Variants in DYM observed in about 807,000 individuals in gnomAD.
The protein encoded by DYM is dymeclin.
A neutral mutation model predicts 93.1 loss-of-function variants in DYM; 78 were observed. The ratio of observed to expected loss-of-function variants is 0.84; its 90% confidence interval spans 0.70 to 1.01. DYM has a LOEUF of 1.01. Among genes scored for constraint, DYM ranks in the 50% least tolerant of loss-of-function variants. The pLI is 0.00. For missense variants in DYM, 789 were observed against 845.0 expected, an observed-to-expected ratio of 0.93 and a Z score of 0.82; for synonymous variants, 321 against 319.7, an observed-to-expected ratio of 1.00 and a Z score of -0.04.
chr18:49,259,020 G>A (rs1043201875), intron 11 of DYM, among the ~76,000 whole-genome samples: 3 of 151,384 alleles, frequency 2.0e-5, no homozygotes, highest in Non-Finnish European at 4.4e-5. Context: ...CCGAGCACTA[G>A]AACTCCCTAA....
intron 1 of DYM, among the ~76,000 whole-genome samples, chr18:49,458,703 G>A (rs1600436392): frequency 6.6e-6 from 1 of 152,174 alleles, no homozygotes; most frequent in East Asian, 1.9e-4. Flanking sequence ...GCCAGGCATG[G>A]TAGCACGTGC....
intron 2 of DYM, among the ~76,000 whole-genome samples, chr18:49,408,853 G>A (rs2071840555): frequency 6.6e-6 from 1 of 152,024 alleles, no homozygotes; most frequent in Non-Finnish European, 1.5e-5. Context: ...CATAAATATT[G>A]TACAGAGTTT....
intron 8 of DYM, among the ~76,000 whole-genome samples, chr18:49,328,977 C>T (rs561593593): frequency 0.018 from 2,666 of 152,164 alleles, 88 homozygotes; most frequent in African/African-American, 0.061. Context: ...TAAAGACACA[C>T]ACACACATAT....
chr18:49,296,620 G>T lies in DYM; in HGVS notation c.764-10004C>A, dbSNP rs78178361. On this transcript the variant is annotated intron_variant, in intron 8 of 17. Transcript: ENST00000675505. ...TATTGGTGGGGGGAAATAGTTCAGA[G>T]ATCTATCAATGACTAGAACTGACCA... 6.8e-4 allele frequency among the ~76,000 whole-genome samples: 103 copies of T among 152,210 alleles called. 1 individual carries two copies. The East Asian group carries it at 0.019, about 28-fold the overall frequency.
chr18:49,159,095 A>C (rs1038070807), intron 15 of DYM, among the ~76,000 whole-genome samples: 4 of 152,212 alleles, frequency 2.6e-5, no homozygotes, highest in African/African-American at 9.6e-5. Context: ...ATATCTTTGT[A>C]TTATTTATGT....
intron 17 of DYM, among the ~76,000 whole-genome samples, chr18:49,087,207 A>C (rs1393252911): frequency 6.6e-6 from 1 of 152,184 alleles, no homozygotes; most frequent in Non-Finnish European, 1.5e-5. Context: ...TACCCAGTTT[A>C]AAGTATTTTG....
At chr18:49,143,447 G>A (rs2084750335) in intron 15 of DYM, among the ~76,000 whole-genome samples, 1 of 152,178 alleles carries the variant, frequency 6.6e-6, no homozygotes, top group African/African-American at 2.4e-5. Context: ...TATTTACACA[G>A]TACTTGTTAT....
intron 2 of DYM, among the ~76,000 whole-genome samples, chr18:49,420,344 T>G (rs2073515609): frequency 6.6e-6 from 1 of 151,768 alleles, no homozygotes; most frequent in Non-Finnish European, 1.5e-5. Flanking sequence ...ATTTTTTGTA[T>G]TTTTAGTAGA....
chr18:49,097,286 C>T, intron 17 of DYM, 116 bp downstream of exon 17: 3 of 897,766 alleles, frequency 3.3e-6, no homozygotes, highest in South Asian at 1.4e-5. Flanking sequence ...TCTGAGGAGC[C>T]CTTCTAGTCT....
chr18:49,363,140 C>T (rs2066183810), intron 6 of DYM, 21 bp downstream of exon 6: 2 of 1,600,144 alleles, frequency 1.2e-6, no homozygotes, highest in East Asian at 4.5e-5. Flanking sequence ...TAAAACAAAT[C>T]CTGGCCTAGC....
At chr18:49,323,909 G>A (rs113014051) in intron 8 of DYM, among the ~76,000 whole-genome samples, 1,530 of 152,132 alleles carry the variant, frequency 0.01, 42 homozygotes, top group South Asian at 0.076. Context: ...GCTCCAAGGC[G>A]GGCAGATCAC....
rs529458412 is a variant in DYM, at chr18:49,059,918, C to A, written c.2026-15714G>T. Among the ~76,000 whole-genome samples, 23 of 152,194 alleles carry A rather than the reference C, an allele frequency of 1.5e-4. No homozygotes were observed. The South Asian group carries it at 2.3e-3, about 15-fold the overall frequency. ...ATATATTTTCACTCTTAAATATTAA[C>A]CTAATTAAACAGGTAAGAACATTTT... On this transcript the variant is annotated intron_variant, in intron 17 of 17. Coordinates refer to ENST00000675505, the MANE Select transcript of DYM (RefSeq NM_001353214.3).
At chr18:49,071,636 G>C (rs1328619588) in intron 17 of DYM, among the ~76,000 whole-genome samples, 1 of 152,218 alleles carries the variant, frequency 6.6e-6, no homozygotes, top group Admixed American at 6.5e-5. Flanking sequence ...ACAGTCAAGG[G>C]TAACAGGCTC....
chr18:49,129,098 AG>A, intron 15 of DYM, among the ~76,000 whole-genome samples: 1 of 151,616 alleles, frequency 6.6e-6, no homozygotes, highest in Admixed American at 6.6e-5. Flanking sequence ...GGTCACAAAT[AG>A]GGGTGTAATA....
chr18:49,414,700 C>A (rs2072711520), intron 2 of DYM, among the ~76,000 whole-genome samples: 1 of 152,194 alleles, frequency 6.6e-6, no homozygotes, highest in Non-Finnish European at 1.5e-5. Flanking sequence ...ATCATAATGT[C>A]TCTGCTCAAA....
chr18:49,200,417 CATT>C (rs774413105), intron 14 of DYM, among the ~76,000 whole-genome samples: 1 of 151,570 alleles, frequency 6.6e-6, no homozygotes, highest in Admixed American at 6.6e-5. Flanking sequence ...TTTCATTAAA[CATT>C]ATATCAAATA....
chr18:49,423,362 A>G (rs2073928805), intron 2 of DYM, among the ~76,000 whole-genome samples: 1 of 152,264 alleles, frequency 6.6e-6, no homozygotes, highest in Non-Finnish European at 1.5e-5. Flanking sequence ...CAAAGACACA[A>G]CATACCAGAA....
At chr18:49,341,924 A>C (rs2064192307) in intron 6 of DYM, among the ~76,000 whole-genome samples, 2 of 152,212 alleles carry the variant, frequency 1.3e-5, no homozygotes, top group African/African-American at 4.8e-5. Context: ...GCACTGTATT[A>C]GTTTTACATT....
chr18:49,442,748 C>A (rs1304100281), intron 1 of DYM, among the ~76,000 whole-genome samples: 1 of 152,188 alleles, frequency 6.6e-6, no homozygotes, highest in African/African-American at 2.4e-5. Context: ...ACTGATTTTA[C>A]ACTCACCACA....
Sources: gnomAD v4.1 joint callset for allele counts (sites outside exome capture counted in the v4.1 genomes callset) on GRCh38, gnomAD v4.1.1 for gene constraint, MANE v1.5 for transcripts, NCBI Gene and HGNC (gene_info 2026-07-23, HGNC 2026-07-21) for gene names.